WWOX: variants seen among roughly 807,000 people sequenced by gnomAD.
WWOX encodes the protein WW domain-containing oxidoreductase.
Under a neutral mutation model 46.2 loss-of-function variants are expected in WWOX, and 69 were observed. The ratio of observed to expected loss-of-function variants is 1.49; its 90% CI spans 1.23 to 1.82. The LOEUF is 1.82. WWOX is among the 40% of genes most tolerant of loss of function. WWOX has a pLI of 0.00. For synonymous variants in WWOX, 359 were observed against 202.6 expected, an observed-to-expected ratio of 1.77 and a Z score of -6.56; for missense variants, 919 against 542.6, an observed-to-expected ratio of 1.69 and a Z score of -6.89.
intron 8 of WWOX, among the ~76,000 whole-genome samples, chr16:78,587,692 T>A (rs1246895571): frequency 1.3e-5 from 2 of 151,978 alleles, no homozygotes; most frequent in Non-Finnish European, 2.9e-5. Context: ...GATAGGGAGG[T>A]GCTTGATGGC....
At chr16:78,913,186 G>C (rs2045156302) in intron 8 of WWOX, among the ~76,000 whole-genome samples, 1 of 151,970 alleles carries the variant, frequency 6.6e-6, no homozygotes, top group African/African-American at 2.4e-5. Context: ...GAGGAGATCC[G>C]AGACCTCATC....
At chr16:78,863,457 G>A (rs951758931) in intron 8 of WWOX, among the ~76,000 whole-genome samples, 6 of 152,194 alleles carry the variant, frequency 3.9e-5, no homozygotes, top group Admixed American at 2.0e-4. Flanking sequence ...CCTGGGAAGA[G>A]GGTACTTGTC....
chr16:78,222,159 G>A (rs2036908706), intron 5 of WWOX, among the ~76,000 whole-genome samples: 1 of 152,080 alleles, frequency 6.6e-6, no homozygotes, highest in African/African-American at 2.4e-5. Flanking sequence ...TTTCCTGCTT[G>A]ATTGTGAAGA....
chr16:78,774,373 T>C (rs538653805), intron 8 of WWOX, among the ~76,000 whole-genome samples: 2 of 152,200 alleles, frequency 1.3e-5, no homozygotes, highest in African/African-American at 4.8e-5. Flanking sequence ...TGCACTCCAG[T>C]CTGGTGACAG....
intron 8 of WWOX, among the ~76,000 whole-genome samples, chr16:78,593,628 G>A (rs889985192): frequency 1.3e-5 from 2 of 152,058 alleles, no homozygotes; most frequent in Non-Finnish European, 2.9e-5. Context: ...GACAGGGGGA[G>A]GTATTTGCAT....
At chr16:78,179,384 A>G (rs188378122) in intron 5 of WWOX, among the ~76,000 whole-genome samples, 238 of 152,308 alleles carry the variant, frequency 1.6e-3, no homozygotes, top group Middle Eastern at 3.4e-3. Flanking sequence ...CAGATTGGAA[A>G]GGACTTTCTG....
intron 8 of WWOX, among the ~76,000 whole-genome samples, chr16:78,962,659 C>T (rs985650390): frequency 6.6e-6 from 1 of 152,112 alleles, no homozygotes; most frequent in Non-Finnish European, 1.5e-5. Flanking sequence ...TGAGATGTAT[C>T]ATTCCTACGG....
chr16:78,708,729 A>G (rs763786401), intron 8 of WWOX, among the ~76,000 whole-genome samples: 1 of 152,170 alleles, frequency 6.6e-6, no homozygotes, highest in Non-Finnish European at 1.5e-5. Flanking sequence ...GCACTCCAAA[A>G]TGGCTTTAAA....
intron 5 of WWOX, among the ~76,000 whole-genome samples, chr16:78,213,522 A>G (rs893878817): frequency 1.3e-4 from 20 of 151,962 alleles, no homozygotes; most frequent in Non-Finnish European, 2.9e-5. Context: ...CACAACTGCC[A>G]TAGTGGCAAT....
intron 8 of WWOX, among the ~76,000 whole-genome samples, chr16:78,999,835 T>G (rs976446866): frequency 6.6e-6 from 1 of 152,146 alleles, no homozygotes; most frequent in Non-Finnish European, 1.5e-5. Context: ...TGTAAGAAAT[T>G]GGCACTTGTA....
At chr16:78,239,878 A>G (rs1215183889) in intron 5 of WWOX, among the ~76,000 whole-genome samples, 2 of 151,750 alleles carry the variant, frequency 1.3e-5, no homozygotes, top group East Asian at 1.9e-4. Flanking sequence ...TTTCCTCAAG[A>G]CTCACAGGGA....
At chr16:78,984,316 C>T (rs540355072) in intron 8 of WWOX, among the ~76,000 whole-genome samples, 29 of 152,278 alleles carry the variant, frequency 1.9e-4, no homozygotes, top group African/African-American at 6.7e-4. Context: ...GCAAGTCCCC[C>T]ACCTCCAAGA....
intron 8 of WWOX, among the ~76,000 whole-genome samples, chr16:78,814,737 A>G (rs1221587989): frequency 1.3e-5 from 2 of 152,220 alleles, no homozygotes; most frequent in African/African-American, 4.8e-5. Context: ...TCATGTAACA[A>G]CTAATGTGAC....
chr16:79,126,112 G>C (rs1007544477), intron 8 of WWOX, among the ~76,000 whole-genome samples: 1 of 152,148 alleles, frequency 6.6e-6, no homozygotes, highest in Admixed American at 6.5e-5. Context: ...TTTCACAGAA[G>C]AAGGGGCTTT....
intron 5 of WWOX, among the ~76,000 whole-genome samples, chr16:78,260,808 G>A (rs1463396999): frequency 4.1e-5 from 6 of 146,680 alleles, no homozygotes; most frequent in East Asian, 2.0e-4. Flanking sequence ...GTGTGGTGGC[G>A]TGCCTGTAAT....
chr16:78,786,202 G>T (rs974943724), intron 8 of WWOX, among the ~76,000 whole-genome samples: 3 of 152,176 alleles, frequency 2.0e-5, no homozygotes, highest in African/African-American at 7.2e-5. Flanking sequence ...GAGCCACCGC[G>T]CCTGGCCTGA....
chr16:78,158,050 G>A (rs747822619), intron 4 of WWOX, among the ~76,000 whole-genome samples: 1 of 152,192 alleles, frequency 6.6e-6, no homozygotes, highest in Non-Finnish European at 1.5e-5. Context: ...CAGCTTGTAC[G>A]TGCTTAGAAC....
chr16:78,753,763 C>T (rs142889375), intron 8 of WWOX, among the ~76,000 whole-genome samples: 2,227 of 133,586 alleles, frequency 0.017, 56 homozygotes, highest in African/African-American at 0.06. Context: ...GATCACACCA[C>T]TGCAGTCAAG....
At chr16:78,395,824 A>G (rs554994478) in intron 6 of WWOX, among the ~76,000 whole-genome samples, 5 of 152,172 alleles carry the variant, frequency 3.3e-5, no homozygotes, top group South Asian at 4.1e-4. Context: ...ATGGAAAGCC[A>G]TGGACCCAAG....
Sources: allele counts gnomAD v4.1 joint callset (sites outside exome capture counted in the v4.1 genomes callset), GRCh38; gene constraint gnomAD v4.1.1; transcripts MANE v1.5; gene names NCBI Gene and HGNC (gene_info 2026-07-23, HGNC 2026-07-21).